The following AHCYL2 variants were observed in gnomAD, a reference collection of about 807,000 sequenced individuals.
AHCYL2 encodes S-adenosylhomocysteine hydrolase-like protein 2.
In AHCYL2, 28 loss-of-function variants were observed where a neutral mutation model predicts 81.4. That is an observed-to-expected ratio of 0.34 (90% confidence interval 0.25 to 0.47). The LOEUF (loss-of-function observed/expected upper bound fraction) is 0.47, where lower values mean the gene tolerates loss of function less well. Among genes scored for constraint, AHCYL2 ranks in the 20% least tolerant of loss-of-function variants. The pLI is 1.00. For synonymous variants in AHCYL2, 272 were observed against 290.2 expected (o/e 0.94, Z 0.64); for missense variants, 551 against 785.1 (o/e 0.70, Z 3.56).
chr7:129,303,762 T>G (rs1392924044), intron 1 of AHCYL2, among the ~76,000 whole-genome samples: 2 of 152,290 alleles, frequency 1.3e-5, no homozygotes, highest in Non-Finnish European at 2.9e-5. Context: ...GCGTTTCTAC[T>G]TTTTTGATAT....
chr7:129,393,994 T>C lies in AHCYL2; in HGVS notation c.721-3228T>C, dbSNP rs117844690. On this transcript the variant is annotated intron_variant, in intron 4 of 16. Transcript: ENST00000325006. ...TTCTTTTTGTATTTCAGTTCAGTAA[T>C]TTCTTTTTTTGTTGTTGTTTTGTTT... 1.3e-3 allele frequency among the ~76,000 whole-genome samples: 205 copies of C among 152,176 alleles called. 3 individuals carry two copies. In the East Asian group the frequency reaches 0.032, roughly 24 times the overall value.
At chr7:129,308,246 G>A (rs975830772) in intron 1 of AHCYL2, among the ~76,000 whole-genome samples, 7 of 152,158 alleles carry the variant, frequency 4.6e-5, no homozygotes, top group African/African-American at 1.7e-4. Flanking sequence ...ATGGTAGCAG[G>A]CCTTATGGAA....
At chr7:129,340,771 C>G (rs1337707583) in intron 1 of AHCYL2, among the ~76,000 whole-genome samples, 3 of 152,088 alleles carry the variant, frequency 2.0e-5, no homozygotes, top group Admixed American at 6.5e-5. Context: ...CTATTGAGAT[C>G]ATATGATATT....
At chr7:129,393,788 T>C (rs1795580503) in intron 4 of AHCYL2, among the ~76,000 whole-genome samples, 1 of 152,202 alleles carries the variant, frequency 6.6e-6, no homozygotes, top group Non-Finnish European at 1.5e-5. Flanking sequence ...TAGCTCCTTT[T>C]AGTGGATCTG....
chr7:129,349,009 G>A (rs1050576388), intron 1 of AHCYL2, among the ~76,000 whole-genome samples: 2 of 152,058 alleles, frequency 1.3e-5, no homozygotes, highest in African/African-American at 2.4e-5. Context: ...CTGTCAGATC[G>A]TTTTCTCTTT....
chr7:129,283,386 G>A (rs532946985), intron 1 of AHCYL2: 3 of 455,996 alleles, frequency 6.6e-6, no homozygotes, highest in East Asian at 6.9e-5. Flanking sequence ...ATCATTTCAT[G>A]TATTTTCTCT....
At chr7:129,241,352 A>C (rs1794845391) in intron 1 of AHCYL2, among the ~76,000 whole-genome samples, 1 of 152,214 alleles carries the variant, frequency 6.6e-6, no homozygotes, top group Non-Finnish European at 1.5e-5. Flanking sequence ...GCACTTTGGG[A>C]GGCTGAGGCA....
At chr7:129,412,535 C>A (rs893456413) in intron 11 of AHCYL2, among the ~76,000 whole-genome samples, 23 of 151,842 alleles carry the variant, frequency 1.5e-4, no homozygotes, top group African/African-American at 5.1e-4. Flanking sequence ...CCCCCCTCAG[C>A]CTCCCGAAGT....
intron 1 of AHCYL2, among the ~76,000 whole-genome samples, chr7:129,285,086 G>A (rs986252445): frequency 1.3e-5 from 2 of 152,188 alleles, no homozygotes; most frequent in African/African-American, 4.8e-5. Flanking sequence ...AGCTCTAGCT[G>A]TAAGCATATG....
chr7:129,287,942 A>G (rs1019507519), intron 1 of AHCYL2, among the ~76,000 whole-genome samples: 1 of 152,164 alleles, frequency 6.6e-6, no homozygotes, highest in Non-Finnish European at 1.5e-5. Context: ...ATTGGATGCA[A>G]ATTGAAGAAT....
chr7:129,297,535 A>AGACT, intron 1 of AHCYL2, among the ~76,000 whole-genome samples: 1 of 152,310 alleles, frequency 6.6e-6, no homozygotes, highest in East Asian at 1.9e-4. Context: ...TTCCTCCTAT[A>AGACT]GACTGCTAGA....
At position 129,419,935 on chromosome 7, in the gene AHCYL2, A is replaced by G. The variant is rs1257708308; in HGVS notation, c.1462-2905A>G. ...AGACAACTGGATGTTTTTAAGAGAG[A>G]TTCTTGTCAAGTTGTGCCAGCCGTA... On this transcript the variant is annotated intron_variant, in intron 12 of 16. Transcript: ENST00000325006. The surrounding 1 kb of genome is among the most constrained non-coding windows in gnomAD (Gnocchi z 4.7). Among the ~76,000 whole-genome samples, 2 of 152,064 alleles carry G rather than the reference A, an allele frequency of 1.3e-5. No individual in the cohort carries two copies. The highest frequency in any genetic ancestry group is 2.9e-5 in the Non-Finnish European group (2 of 68,002).
intron 1 of AHCYL2, among the ~76,000 whole-genome samples, chr7:129,243,396 TTTAC>T (rs1462061834): frequency 2.0e-5 from 3 of 152,132 alleles, no homozygotes; most frequent in Non-Finnish European, 4.4e-5. Flanking sequence ...GGCTTGTGGC[TTTAC>T]TTATGACTTT....
chr7:129,324,610 G>A (rs1035049482), intron 1 of AHCYL2, among the ~76,000 whole-genome samples: 2 of 152,150 alleles, frequency 1.3e-5, no homozygotes, highest in Admixed American at 6.5e-5. Flanking sequence ...CTGCCTCCCG[G>A]GTTCACGCCA....
intron 2 of AHCYL2, among the ~76,000 whole-genome samples, chr7:129,383,623 C>T (rs1047111256): frequency 6.6e-5 from 10 of 152,192 alleles, no homozygotes; most frequent in Non-Finnish European, 1.0e-4. Context: ...CCCAATCTCA[C>T]TCTTAGGTAA....
chr7:129,344,982 C>G (rs1208276228), intron 1 of AHCYL2, among the ~76,000 whole-genome samples: 3 of 151,988 alleles, frequency 2.0e-5, no homozygotes, highest in Non-Finnish European at 4.4e-5. Context: ...TGGTGAAACC[C>G]CATCTCTACT....
At chr7:129,350,296 A>G (rs756204268) in intron 1 of AHCYL2, among the ~76,000 whole-genome samples, 5 of 152,204 alleles carry the variant, frequency 3.3e-5, no homozygotes, top group Non-Finnish European at 7.3e-5. Context: ...AAAAGCACCT[A>G]CTGTATAGCA....
At chr7:129,267,230 G>GGTGTGTGTGTGTGTATGTGT (rs1554472002) in intron 1 of AHCYL2, among the ~76,000 whole-genome samples, 160 of 59,210 alleles carry the variant, frequency 2.7e-3, no homozygotes, top group African/African-American at 4.3e-3. Context: ...TCACTCAAGG[G>GGTGTGTGTGTGTGTATGTGT]GTGTGTGTGT....
At chr7:129,239,656 A>G (rs1383228898) in intron 1 of AHCYL2, among the ~76,000 whole-genome samples, 1 of 152,156 alleles carries the variant, frequency 6.6e-6, no homozygotes, top group Admixed American at 6.6e-5. Flanking sequence ...AAAGCAAGAA[A>G]ATAATTTTAG....
Sources: gnomAD v4.1 joint callset for allele counts (sites outside exome capture counted in the v4.1 genomes callset) on GRCh38, gnomAD v4.1.1 for gene constraint, Gnocchi (gnomAD v3.1) non-coding constraint, MANE v1.5 for transcripts, NCBI Gene and HGNC (gene_info 2026-07-23, HGNC 2026-07-21) for gene names.